Variants in IL5RA observed in about 807,000 individuals in gnomAD.
IL5RA encodes the protein interleukin-5 receptor subunit alpha.
IL5RA carries 49 observed loss-of-function variants against 50.0 expected under a neutral mutation model. The observed-to-expected ratio is 0.98, with a 90% CI of 0.78 to 1.24. The LOEUF is 1.24. Among genes scored for constraint, IL5RA ranks in the 50% most tolerant of loss-of-function variants. The pLI is 0.00. For missense variants in IL5RA, 600 were observed against 500.4 expected, an observed-to-expected ratio of 1.20 and a Z score of -1.90; for synonymous variants, 202 against 174.0, an observed-to-expected ratio of 1.16 and a Z score of -1.26.
intron 9 of IL5RA, among the ~76,000 whole-genome samples, chr3:3,087,553 ATAT>A (rs1214179769): frequency 5.3e-5 from 8 of 152,150 alleles, no homozygotes; most frequent in African/African-American, 1.9e-4. Context: ...AGAAAATTGT[ATAT>A]TAATAGCCAC....
chr3:3,077,856 C>T (rs149557079), intron 9 of IL5RA, among the ~76,000 whole-genome samples: 2 of 152,256 alleles, frequency 1.3e-5, no homozygotes, highest in Non-Finnish European at 2.9e-5. Flanking sequence ...GCTAACCTGC[C>T]GGATTGAATA....
At chr3:3,079,827 C>T (rs552171006) in intron 9 of IL5RA, among the ~76,000 whole-genome samples, 4 of 152,186 alleles carry the variant, frequency 2.6e-5, no homozygotes, top group Non-Finnish European at 4.4e-5. Flanking sequence ...TGAGGTCAGG[C>T]GTTTGAGACC....
Position 3,092,477 on chromosome 3 carries a change from T to A in IL5RA, c.856-115A>T. 1 of 938,788 alleles carries A rather than the reference T, an allele frequency of 1.1e-6. No homozygotes were observed. Among genetic ancestry groups the A allele is most frequent in the Non-Finnish European group, 1.6e-6 (1 of 611,048 alleles). 58.2% of individuals were successfully genotyped at this position (938,788 alleles called of 1,614,324 possible). ...GTGACTCACTGTTCAGCAAGTCCTTTAAAATCAACAGGGCACACATTAATT... is the reference window on the plus strand; with the variant it reads ...GTGACTCACTGTTCAGCAAGTCCTTAAAAATCAACAGGGCACACATTAATT... On this transcript the variant is annotated intron_variant, in intron 8 of 11. Transcript: ENST00000446632. The surrounding 1 kb of genome is among the most constrained non-coding windows in gnomAD (Gnocchi z 4.2).
chr3:3,089,011 T>C (rs1366357116), intron 9 of IL5RA, among the ~76,000 whole-genome samples: 2 of 152,184 alleles, frequency 1.3e-5, no homozygotes, highest in East Asian at 1.9e-4. Context: ...TGAATTTTCC[T>C]GGTGCAAATG....
At chr3:3,100,649 G>A (rs770516923) in intron 5 of IL5RA, among the ~76,000 whole-genome samples, 1 of 152,136 alleles carries the variant, frequency 6.6e-6, no homozygotes, top group Non-Finnish European at 1.5e-5. Flanking sequence ...AGTGTTCAGA[G>A]GATAATTAGA....
At position 3,068,199 on chromosome 3, in the gene IL5RA, C is replaced by T. The variant is rs1339946000; in HGVS notation, c.*2026G>A. On this transcript the variant is annotated 3_prime_UTR_variant, in exon 12 of 12. Coordinates refer to ENST00000446632, the MANE Select transcript of IL5RA (RefSeq NM_175726.4). ...ACCCAGACCTATTCAGTTAGAGACTCTAAGAATGGAGCCCACTCCTCTGTG... is the reference window on the plus strand; with the variant it reads ...ACCCAGACCTATTCAGTTAGAGACTTTAAGAATGGAGCCCACTCCTCTGTG... 6.6e-6 allele frequency: 1 copy of T among 152,200 alleles called. No individual in the cohort carries two copies. The highest frequency in any genetic ancestry group is 1.5e-5 in the Non-Finnish European group (1 of 68,100). 9.4% of individuals were successfully genotyped at this position (152,200 alleles called of 1,614,324 possible). A position where few individuals can be genotyped will look rare whatever the true frequency, so the allele number is the denominator to read the frequency against.
intron 9 of IL5RA, among the ~76,000 whole-genome samples, chr3:3,083,653 A>G (rs340812): frequency 0.22 from 33,661 of 152,134 alleles, 3,982 homozygotes; most frequent in African/African-American, 0.3. Flanking sequence ...TTTCTTCCCT[A>G]TAAGGGGTTG....
At chr3:3,103,445 G>A (rs911339298) in intron 3 of IL5RA, among the ~76,000 whole-genome samples, 1 of 152,174 alleles carries the variant, frequency 6.6e-6, no homozygotes, top group Non-Finnish European at 1.5e-5. Flanking sequence ...AACATAATAA[G>A]AGCTGTTTCA....
chr3:3,096,289 AAAG>A (rs5846242), intron 7 of IL5RA, among the ~76,000 whole-genome samples: 3,780 of 141,338 alleles, frequency 0.027, 136 homozygotes, highest in African/African-American at 0.086. Context: ...AAAAAAAAAA[AAAG>A]AAGAAGAAGA....
In IL5RA at chr3:3,097,908, A is replaced by G; in HGVS notation, c.671T>C (p.Ile224Thr). ...LVNGSSKHSA[I>T]RPFDQLFALH... is the part of the protein sequence containing the mutation. ...GGCAAACAGCTGATCAAAGGGCCTG[A>G]TAGCAGAGTGCTTGCTGGAGCCGTT... The change falls in exon 7 of 12, where the codon ATC (isoleucine) becomes ACC (threonine). Residue 224 changes from isoleucine (I) to threonine (T), a missense_variant. By Grantham distance (89) the Ile-to-Thr change is moderately conservative (BLOSUM62 -1). Coordinates refer to ENST00000446632, the MANE Select transcript of IL5RA (RefSeq NM_175726.4). The G allele has an allele frequency of 6.2e-7, 1 of 1,614,224 alleles. No individual in the cohort carries two copies. The highest frequency in any genetic ancestry group is 1.1e-5 in the South Asian group (1 of 91,084).
intron 11 of IL5RA, among the ~76,000 whole-genome samples, chr3:3,071,905 A>C (rs1702312971): frequency 6.6e-6 from 1 of 152,108 alleles, no homozygotes; most frequent in Non-Finnish European, 1.5e-5. Context: ...CTGACGTCCA[A>C]ATTTCTAACT....
At position 3,095,327 on chromosome 3, in the gene IL5RA, A is replaced by T; in HGVS notation, c.827T>A (p.Ile276Lys). The T allele has an allele frequency of 2.5e-6, 4 of 1,604,842 alleles. No homozygotes were observed. The highest frequency in any genetic ancestry group is 3.4e-6 in the Non-Finnish European group (4 of 1,172,384). Residue 276 changes from isoleucine (I) to lysine (K), a missense_variant, in exon 8 of 12, where the codon ATA becomes AAA. Physicochemically the swap from Ile to Lys is moderately radical, Grantham distance 102 (BLOSUM62 -3). Coordinates refer to ENST00000446632, the MANE Select transcript of IL5RA (RefSeq NM_175726.4). ...PIHCFDYEVK[I>K]HNTRNGYLQI... Reference sequence around the variant, plus strand: ...CAAATATCCATTCCTTGTATTGTGTATTTTTACTTCATAATCAAAGCAATG... The same window carrying T: ...CAAATATCCATTCCTTGTATTGTGTTTTTTTACTTCATAATCAAAGCAATG...
chr3:3,097,903 G>T lies in IL5RA; in HGVS notation c.676C>A (p.Pro226Thr). ...TGAAGGGCAAACAGCTGATCAAAGG[G>T]CCTGATAGCAGAGTGCTTGCTGGAG... ...NGSSKHSAIR[P>T]FDQLFALHAI... The change falls in exon 7 of 12, where the codon CCC (proline) becomes ACC (threonine). Residue 226 changes from proline (P) to threonine (T), a missense_variant. By Grantham distance (38) the Pro-to-Thr change is conservative. Transcript: ENST00000446632. The T allele has an allele frequency of 6.2e-7, 1 of 1,614,158 alleles. No individual in the cohort carries two copies. Among genetic ancestry groups the T allele is most frequent in the Non-Finnish European group, 8.5e-7 (1 of 1,180,026 alleles).
At position 3,092,455 on chromosome 3, in the gene IL5RA, A is replaced by G; in HGVS notation, c.856-93T>C. On this transcript the variant is annotated intron_variant, in intron 8 of 11. Transcript: ENST00000446632. This position sits in a 1 kb window ranked among gnomAD's most constrained non-coding sequence, Gnocchi z 4.2. The stretch of plus-strand genomic sequence containing the variant: ...TGGGAGGTCCTATATAGGTCATGTG[A>G]CTCACTGTTCAGCAAGTCCTTTAAA... 2.6e-6 allele frequency: 3 copies of G among 1,168,176 alleles called. No homozygotes were observed. Among genetic ancestry groups the G allele is most frequent in the Non-Finnish European group, 3.7e-6 (3 of 810,916 alleles). The allele number at this position is 1,168,176 out of a possible 1,614,324, so 72.4% of individuals were successfully genotyped here.
intron 9 of IL5RA, among the ~76,000 whole-genome samples, chr3:3,090,712 G>A (rs955973253): frequency 6.6e-5 from 10 of 151,392 alleles, no homozygotes; most frequent in Admixed American, 1.3e-4. Flanking sequence ...GACTACAGGC[G>A]CCCGCCACCA....
chr3:3,070,538 T>TTTC (rs1702262522), intron 11 of IL5RA, among the ~76,000 whole-genome samples: 1 of 151,894 alleles, frequency 6.6e-6, no homozygotes, highest in Admixed American at 6.6e-5. Flanking sequence ...GGCATAATGT[T>TTTC]TTCTTTAGAC....
chr3:3,104,891 G>C lies in IL5RA; in HGVS notation c.82+12C>G, dbSNP rs1438134718. Reference sequence around the variant, plus strand: ...AAAATAAACATTATTGAATTGAATAGAAGGTCCTTACTCTTTTCATCAGGA... The same window carrying C: ...AAAATAAACATTATTGAATTGAATACAAGGTCCTTACTCTTTTCATCAGGA... On this transcript the variant is annotated intron_variant, in intron 3 of 11. Coordinates refer to ENST00000446632, the MANE Select transcript of IL5RA (RefSeq NM_175726.4). 3 of 1,528,828 alleles carry C rather than the reference G, an allele frequency of 2.0e-6. No individual in the cohort carries two copies. The highest frequency in any genetic ancestry group is 1.8e-6 in the Non-Finnish European group (2 of 1,104,828). The allele number at this position is 1,528,828 out of a possible 1,614,324, so 94.7% of individuals were successfully genotyped here.
chr3:3,093,551 A>G (rs1432690990), intron 8 of IL5RA, among the ~76,000 whole-genome samples: 1 of 152,242 alleles, frequency 6.6e-6, no homozygotes, highest in Non-Finnish European at 1.5e-5. Flanking sequence ...AAACACACGC[A>G]CACACACGTG....
At chr3:3,099,968 C>G (rs1703565405) in intron 5 of IL5RA, among the ~76,000 whole-genome samples, 1 of 152,156 alleles carries the variant, frequency 6.6e-6, no homozygotes. Context: ...CCGCACCCGG[C>G]CAAGATTTTA....
Sources: gnomAD v4.1 joint callset for allele counts (sites outside exome capture counted in the v4.1 genomes callset) on GRCh38, gnomAD v4.1.1 for gene constraint, Gnocchi (gnomAD v3.1) non-coding constraint, MANE v1.5 for transcripts, NCBI Gene and HGNC (gene_info 2026-07-23, HGNC 2026-07-21) for gene names.